Variants in SNX17 observed in about 807,000 individuals in gnomAD.
SNX17 encodes sorting nexin-17.
Under a neutral mutation model 64.3 loss-of-function variants are expected in SNX17, and 35 were observed. The observed-to-expected ratio is 0.54, with a 90% confidence interval of 0.42 to 0.72. SNX17 has a LOEUF of 0.72. Ranked by LOEUF, SNX17 falls within the 30% of genes least tolerant of loss-of-function variation. The probability of loss-of-function intolerance (pLI) is 0.00; values close to 1 mark genes in which losing one functional copy is unlikely to be tolerated. For synonymous variants in SNX17, 259 were observed against 230.2 expected, an observed-to-expected ratio of 1.13 and a Z score of -1.13; for missense variants, 538 against 610.0, an observed-to-expected ratio of 0.88 and a Z score of 1.24.
intron 14 of SNX17, 22 bp from the exon 15 acceptor site, chr2:27,376,584 C>T (rs1274798369): frequency 3.1e-6 from 5 of 1,614,076 alleles, no homozygotes; most frequent in Non-Finnish European, 4.2e-6. Context: ...AGATCTCTGA[C>T]CCCACCCTGC....
At chr2:27,374,893 C>T in intron 8 of SNX17, 135 bp downstream of exon 8, 3 of 979,518 alleles carry the variant, frequency 3.1e-6, no homozygotes, top group Non-Finnish European at 4.8e-6. Flanking sequence ...GCTGCTGGCA[C>T]AATATCTACT....
At chr2:27,373,169 G>T in intron 3 of SNX17, 78 bp from the exon 4 acceptor site, 1 of 1,609,460 alleles carries the variant, frequency 6.2e-7, no homozygotes, top group Non-Finnish European at 8.5e-7. Context: ...ATGGGGTCGG[G>T]GGAACCTACT....
intron 8 of SNX17, 96 bp from the exon 9 acceptor site, chr2:27,374,965 G>C: frequency 8.4e-7 from 1 of 1,189,940 alleles, no homozygotes; most frequent in South Asian, 1.2e-5. Flanking sequence ...GCTCAAGTGT[G>C]GGGCTAGGGG....
chr2:27,374,580 A>G (rs1234422567), intron 7 of SNX17, 109 bp from the exon 8 acceptor site: 6 of 1,261,602 alleles, frequency 4.8e-6, no homozygotes, highest in African/African-American at 4.4e-5. Flanking sequence ...CCACTATACC[A>G]TTAGCCCCTG....
Position 27,374,419 on chromosome 2 carries a change from T to C in SNX17, c.597T>C (p.Ile199=). The change falls in exon 7 of 15, where the codon ATT becomes ATC. Residue 199 remains isoleucine (I), a synonymous_variant. Transcript: ENST00000233575. ...VTSLRSQEYK[I]VLRKSYWDSA... ...GCCTTCGGAGTCAAGAGTATAAGAT[T>C]GTGCTAAGGAAGAGGTCAGGGCTGG... is the stretch of plus-strand genomic sequence containing the variant. 6.2e-7 allele frequency: 1 copy of C among 1,613,862 alleles called. No individual in the cohort carries two copies. The highest frequency in any genetic ancestry group is 8.5e-7 in the Non-Finnish European group (1 of 1,179,930).
chr2:27,376,240 C>G, intron 12 of SNX17, 57 bp downstream of exon 12: 1 of 1,612,888 alleles, frequency 6.2e-7, no homozygotes, highest in South Asian at 1.1e-5. Context: ...GCCTTTTGTC[C>G]TAGATGTGAG....
chr2:27,377,058 G>A lies in SNX17; in HGVS notation c.*339G>A, dbSNP rs1572649193. 1.2e-5 allele frequency: 5 copies of A among 412,626 alleles called. No individual in the cohort carries two copies. The East Asian group carries it at 2.7e-4, about 23-fold the overall frequency. 25.6% of individuals were successfully genotyped at this position (412,626 alleles called of 1,614,324 possible). On this transcript the variant is annotated 3_prime_UTR_variant, in exon 15 of 15. Transcript: ENST00000233575. The surrounding 1 kb of genome is among the most constrained non-coding windows in gnomAD (Gnocchi z 4.4). ...CTTGGAGCCATGGGCCAAAGGCCAA[G>A]GGGATGGGCAGAGGTCTGTGTTTGG...
chr2:27,371,011 C>A (rs528570250), intron 1 of SNX17, among the ~76,000 whole-genome samples: 49 of 152,362 alleles, frequency 3.2e-4, no homozygotes, highest in African/African-American at 8.9e-4. Context: ...TAGGCCGGGT[C>A]GCTTCCCCGA....
rs182329548 is a variant in SNX17 at position 27,373,345 on chromosome 2, A to G, written c.321+34A>G. 97 of 1,610,120 alleles carry G rather than the reference A, an allele frequency of 6.0e-5. No homozygotes were observed. The East Asian group carries it at 1.6e-3, about 26-fold the overall frequency. On this transcript the variant is annotated intron_variant, in intron 4 of 14. Coordinates refer to ENST00000233575, the MANE Select transcript of SNX17 (RefSeq NM_014748.4). ...TTGGGTGGGACCAAGATTTAAGGAA[A>G]GGACCTTGCTGGAAGGTCATGTCTT... is the stretch of plus-strand genomic sequence containing the variant.
At position 27,373,289 on chromosome 2, in the gene SNX17, G is replaced by A. The variant is rs1274939530; in HGVS notation, c.299G>A (p.Ser100Asn). 1.1e-5 allele frequency: 17 copies of A among 1,614,102 alleles called. No individual in the cohort carries two copies. Among genetic ancestry groups the A allele is most frequent in the Non-Finnish European group, 1.4e-5 (17 of 1,180,042 alleles). Residue 100 changes from serine (S) to asparagine (N), a missense_variant, in exon 4 of 15, where the codon AGT (serine) becomes AAT (asparagine). Ser to Asn is a conservative substitution (Grantham distance 46). This residue lies in a region of SNX17 where 505 missense variants were observed against 550.4 expected (regional missense o/e 0.92). Coordinates refer to ENST00000233575, the MANE Select transcript of SNX17 (RefSeq NM_014748.4). Reference protein sequence around the residue: ...PLLGSSETFNSFLRRAQQETQ... With the variant: ...PLLGSSETFNNFLRRAQQETQ... ...CTTGGGAGCAGCGAGACTTTCAACA[G>A]TTTCCTGCGTCGGGCACAACAGGTA... is the stretch of plus-strand genomic sequence containing the variant.
At chr2:27,371,457 C>A in intron 2 of SNX17, 114 bp downstream of exon 2, 1 of 1,452,336 alleles carries the variant, frequency 6.9e-7, no homozygotes, top group South Asian at 1.4e-5. Flanking sequence ...CCCCTTTAAT[C>A]ACTGCCACAG....
chr2:27,373,031 T>C, intron 3 of SNX17: 2 of 1,545,514 alleles, frequency 1.3e-6, no homozygotes, highest in Non-Finnish European at 1.7e-6. Flanking sequence ...ATCATTGTTA[T>C]TTCCCTAGTT....
intron 2 of SNX17, 186 bp downstream of exon 2, chr2:27,371,529 G>C: frequency 8.1e-7 from 1 of 1,234,230 alleles, no homozygotes; most frequent in South Asian, 1.8e-5. Context: ...CTTAATGTCC[G>C]CGCAACAACT....
chr2:27,373,298 G>A lies in SNX17; in HGVS notation c.308G>A (p.Arg103His), dbSNP rs763135241. The change falls in exon 4 of 15, where the codon CGT becomes CAT. Residue 103 changes from arginine (R) to histidine (H), a missense_variant. Physicochemically the swap from Arg to His is conservative, Grantham distance 29. Coordinates refer to ENST00000233575, the MANE Select transcript of SNX17 (RefSeq NM_014748.4). Reference sequence around the variant, plus strand: ...AGCGAGACTTTCAACAGTTTCCTGCGTCGGGCACAACAGGTAGGGCTTTGG... The same window carrying A: ...AGCGAGACTTTCAACAGTTTCCTGCATCGGGCACAACAGGTAGGGCTTTGG... ...GSSETFNSFL[R>H]RAQQETQQVP... 6.8e-6 allele frequency: 11 copies of A among 1,614,182 alleles called. No individual in the cohort carries two copies. Among genetic ancestry groups the A allele is most frequent in the East Asian group, 2.2e-5 (1 of 44,890 alleles).
intron 5 of SNX17, 41 bp downstream of exon 5, chr2:27,374,012 C>T: frequency 1.9e-6 from 3 of 1,603,232 alleles, no homozygotes; most frequent in Non-Finnish European, 2.6e-6. Flanking sequence ...TCCCCTACAT[C>T]CTGGGGTCCT....
chr2:27,375,872 C>A lies in SNX17; in HGVS notation c.1005C>A (p.Ser335Arg), dbSNP rs1683152427. The A allele has an allele frequency of 1.5e-5, 24 of 1,614,128 alleles. No homozygotes were observed. The highest frequency in any genetic ancestry group is 2.0e-5 in the Non-Finnish European group (24 of 1,180,030). Residue 335 changes from serine (S) to arginine (R), a missense_variant, in exon 11 of 15, where the codon AGC (serine) becomes AGA (arginine). Coordinates refer to ENST00000233575, the MANE Select transcript of SNX17 (RefSeq NM_014748.4). The surrounding 1 kb of genome is among the most constrained non-coding windows in gnomAD (Gnocchi z 4.1). ...TACCATTGCCCAGTGGAAGCACGAG[C>A]AGCCCAGGCCGGGGCCGGGGTGAGG... Reference protein sequence around the residue: ...SSVPLPSGSTSSPGRGRGEVR... With the variant: ...SSVPLPSGSTRSPGRGRGEVR...
chr2:27,375,368 G>T lies in SNX17; in HGVS notation c.775-138G>T. ...TTAGCCAGGATGGTCTTGAGCTCCT[G>T]ACCTTGTGATCTGTCTGCCTCTGCC... On this transcript the variant is annotated intron_variant, in intron 9 of 14. Transcript: ENST00000233575. This position sits in a 1 kb window ranked among gnomAD's most constrained non-coding sequence, Gnocchi z 4.1. 1 of 942,768 alleles carries T rather than the reference G, an allele frequency of 1.1e-6. No individual in the cohort carries two copies. The highest frequency in any genetic ancestry group is 1.5e-5 in the South Asian group (1 of 66,724). 58.4% of individuals were successfully genotyped at this position (942,768 alleles called of 1,614,324 possible).
intron 13 of SNX17, 21 bp downstream of exon 13, chr2:27,376,408 A>G (rs770348509): frequency 1.9e-6 from 3 of 1,614,096 alleles, no homozygotes; most frequent in Non-Finnish European, 2.5e-6. Context: ...CCTCCTGGTC[A>G]GAACCCTGGC....
intron 8 of SNX17, 24 bp downstream of exon 8, chr2:27,374,782 C>G (rs1193110314): frequency 6.2e-7 from 1 of 1,608,718 alleles, no homozygotes; most frequent in Admixed American, 1.7e-5. Context: ...TGCCTCAGAA[C>G]CCTTCCCCTG....
Sources: allele counts gnomAD v4.1 joint callset (sites outside exome capture counted in the v4.1 genomes callset), GRCh38; gene constraint gnomAD v4.1.1; regional missense constraint gnomAD v4.1.1; non-coding constraint Gnocchi (gnomAD v3.1); transcripts MANE v1.5; gene names NCBI Gene and HGNC (gene_info 2026-07-23, HGNC 2026-07-21).